Variants in MPP2 observed in about 807,000 individuals in gnomAD.
The protein encoded by MPP2 is MAGUK p55 scaffold protein 2.
A neutral mutation model predicts 58.5 loss-of-function variants in MPP2; 42 were observed. The observed-to-expected ratio is 0.72, with a 90% CI of 0.56 to 0.93. The LOEUF is 0.93. Among genes scored for constraint, MPP2 ranks in the 40% least tolerant of loss-of-function variants. The pLI is 0.00. For synonymous variants in MPP2, 300 were observed against 307.8 expected (o/e 0.97, Z 0.26); for missense variants, 632 against 760.4 (o/e 0.83, Z 1.99).
At chr17:43,881,207 C>A in intron 8 of MPP2, 37 bp downstream of exon 8, 1 of 1,613,554 alleles carries the variant, frequency 6.2e-7, no homozygotes. Flanking sequence ...CCTGTTGGAT[C>A]CCAGATTGGA....
Position 43,880,561 on chromosome 17 carries a change from C to A in MPP2, c.1150+130G>T. On this transcript the variant is annotated intron_variant, in intron 10 of 12. Coordinates refer to ENST00000269095, the MANE Select transcript of MPP2 (RefSeq NM_005374.5). This position sits in a 1 kb window ranked among gnomAD's most constrained non-coding sequence, Gnocchi z 5.2. ...CTAACCACCCACAGAGGGCGTGCAC[C>A]CCAACCCGTGTACCCAAAGGTACCA... 1 of 1,110,286 alleles carries A rather than the reference C, an allele frequency of 9.0e-7. No homozygotes were observed. The highest frequency in any genetic ancestry group is 1.2e-6 in the Non-Finnish European group (1 of 808,218). The allele number at this position is 1,110,286 out of a possible 1,614,324, so 68.8% of individuals were successfully genotyped here.
At chr17:43,897,116 G>A (rs1260578401) in intron 3 of MPP2, among the ~76,000 whole-genome samples, 1 of 152,154 alleles carries the variant, frequency 6.6e-6, no homozygotes, top group African/African-American at 2.4e-5. Context: ...TCCAACTTCA[G>A]ATATAACCCC....
chr17:43,891,303 T>A (rs2047595470), intron 3 of MPP2, among the ~76,000 whole-genome samples: 1 of 152,118 alleles, frequency 6.6e-6, no homozygotes, highest in African/African-American at 2.4e-5. Flanking sequence ...GTGGATCACC[T>A]GAGGTCAGGA....
rs891893235 is a variant in MPP2, at chr17:43,884,152, T to A, written c.151-797A>T. 7 of 702,648 alleles carry A rather than the reference T, an allele frequency of 1.0e-5. No homozygotes were observed. The Admixed American group carries it at 1.4e-4, about 14-fold the overall frequency. The allele number at this position is 702,648 out of a possible 1,614,324, so 43.5% of individuals were successfully genotyped here. On this transcript the variant is annotated intron_variant, in intron 3 of 12. Coordinates refer to ENST00000269095, the MANE Select transcript of MPP2 (RefSeq NM_005374.5). ...TGCTGCATAAACCACAATACCATTA[T>A]CACCTGCAAGAAATTTAACATCGAT...
chr17:43,900,582 G>A (rs944584787), intron 2 of MPP2: 15 of 1,532,984 alleles, frequency 9.8e-6, no homozygotes, highest in Non-Finnish European at 1.2e-5. Flanking sequence ...GACTCCCGGA[G>A]CGTCCTACAC....
Position 43,879,796 on chromosome 17 carries a change from C to T in MPP2, c.1339G>A (p.Asp447Asn). ...VVAAGKVCVL[D>N]VNPQAVKVLR... ...AGTGGCGGTACCTGGGGGTTGACAT[C>T]CAGCACGCACACCTTCCCAGCAGCG... The change falls in exon 11 of 13, where the codon GAT becomes AAT. Residue 447 changes from aspartate (D) to asparagine (N), a missense_variant. By Grantham distance (23) the Asp-to-Asn change is conservative. Transcript: ENST00000269095. The surrounding 1 kb of genome is among the most constrained non-coding windows in gnomAD (Gnocchi z 4.1). 6.2e-7 allele frequency: 1 copy of T among 1,613,568 alleles called. No individual in the cohort carries two copies. Among genetic ancestry groups the T allele is most frequent in the Non-Finnish European group, 8.5e-7 (1 of 1,179,848 alleles).
Position 43,881,511 on chromosome 17 carries a change from T to C in MPP2, c.760A>G (p.Asn254Asp). The C allele has an allele frequency of 6.2e-7, 1 of 1,613,978 alleles. No homozygotes were observed. Among genetic ancestry groups the C allele is most frequent in the Non-Finnish European group, 8.5e-7 (1 of 1,179,966 alleles). ...ACGATCTGGAGCAAGTCCCCGGCGT[T>C]GAAGCGCAGGCCTGCTTCCTTGCAG... ...IPCKEAGLRFNAGDLLQIVNQ... is the reference protein window; with the variant it reads ...IPCKEAGLRFDAGDLLQIVNQ... The change falls in exon 7 of 13, where the codon AAC becomes GAC. Residue 254 changes from asparagine to aspartate, a missense_variant. Transcript: ENST00000269095.
chr17:43,887,148 C>T (rs231514), intron 3 of MPP2, among the ~76,000 whole-genome samples: 134,296 of 151,982 alleles, frequency 0.88, 59,450 homozygotes, highest in East Asian at 1. Flanking sequence ...AGCCCAGGAG[C>T]TCAAGACCAG....
At chr17:43,884,059 T>C (rs772693804) in intron 3 of MPP2, 26 of 699,870 alleles carry the variant, frequency 3.7e-5, no homozygotes, top group Admixed American at 1.6e-4. Flanking sequence ...TGAAAGATCA[T>C]TGCAGACAAC....
At chr17:43,902,176 G>T (rs2048118966) in intron 2 of MPP2, among the ~76,000 whole-genome samples, 1 of 152,146 alleles carries the variant, frequency 6.6e-6, no homozygotes, top group East Asian at 1.9e-4. Context: ...AATATGAGAA[G>T]CCAGGAGCAG....
chr17:43,883,994 A>G, intron 3 of MPP2: 1 of 661,496 alleles, frequency 1.5e-6, no homozygotes, highest in Non-Finnish European at 2.7e-6. Flanking sequence ...GGTCAGGAAG[A>G]AAAGAATTCC....
Position 43,880,810 on chromosome 17 carries a change from C to G in MPP2, c.1031G>C (p.Arg344Pro). 2 of 1,612,370 alleles carry G rather than the reference C, an allele frequency of 1.2e-6. No individual in the cohort carries two copies. The highest frequency in any genetic ancestry group is 1.7e-6 in the Non-Finnish European group (2 of 1,178,932). Residue 344 changes from arginine (R) to proline (P), a missense_variant, in exon 10 of 13, where the codon CGC becomes CCC. Coordinates refer to ENST00000269095, the MANE Select transcript of MPP2 (RefSeq NM_005374.5). This position sits in a 1 kb window ranked among gnomAD's most constrained non-coding sequence, Gnocchi z 5.2. ...HELLIYEEVA[R>P]MPPFRRKTLV... ...GGTTTTCCGGCGGAACGGGGGCATG[C>G]GGGCCACCTCCTCATAAATGAGCAG...
chr17:43,906,082 G>A (rs2048275245), intron 1 of MPP2: 2 of 984,772 alleles, frequency 2.0e-6, no homozygotes, highest in Non-Finnish European at 2.4e-6. Flanking sequence ...TTGATGACCT[G>A]GAGCCTTCTC....
intron 3 of MPP2, among the ~76,000 whole-genome samples, chr17:43,894,415 C>CAA (rs1309079744): frequency 4.8e-4 from 36 of 74,860 alleles, no homozygotes; most frequent in African/African-American, 1.0e-3. Context: ...GATTCCATCT[C>CAA]AAAATATATA....
intron 12 of MPP2, among the ~76,000 whole-genome samples, chr17:43,878,575 C>T (rs142952754): frequency 6.6e-6 from 1 of 152,328 alleles, no homozygotes; most frequent in Non-Finnish European, 1.5e-5. Context: ...GGAGGAGGTG[C>T]CCAGAATGGG....
At chr17:43,889,468 T>C (rs1421034700) in intron 3 of MPP2, among the ~76,000 whole-genome samples, 1 of 151,572 alleles carries the variant, frequency 6.6e-6, no homozygotes, top group Non-Finnish European at 1.5e-5. Flanking sequence ...GTTCAAGTGA[T>C]TCTCCTGCCT....
At chr17:43,903,405 C>A (rs1256552119) in intron 2 of MPP2, among the ~76,000 whole-genome samples, 2 of 152,102 alleles carry the variant, frequency 1.3e-5, no homozygotes, top group Non-Finnish European at 2.9e-5. Flanking sequence ...GCCAAAATAA[C>A]AACTCAGGCC....
chr17:43,898,773 TG>T (rs2047963417), intron 2 of MPP2, among the ~76,000 whole-genome samples: 4 of 152,220 alleles, frequency 2.6e-5, no homozygotes, highest in African/African-American at 7.2e-5. Flanking sequence ...AAGACCAGCC[TG>T]GGCAACAAGG....
At chr17:43,884,852 G>A (rs1249196585) in intron 3 of MPP2, among the ~76,000 whole-genome samples, 2 of 152,174 alleles carry the variant, frequency 1.3e-5, no homozygotes, top group African/African-American at 4.8e-5. Context: ...AGGCACAGTG[G>A]CTCACGCCTG....
Sources: gnomAD v4.1 joint callset for allele counts (sites outside exome capture counted in the v4.1 genomes callset) on GRCh38, gnomAD v4.1.1 for gene constraint, Gnocchi (gnomAD v3.1) non-coding constraint, MANE v1.5 for transcripts, NCBI Gene and HGNC (gene_info 2026-07-23, HGNC 2026-07-21) for gene names.